Variants in C12orf42 observed in about 807,000 individuals in gnomAD.
C12orf42 encodes chromosome 12 open reading frame 42.
C12orf42 carries 25 observed loss-of-function variants against 21.6 expected under a neutral mutation model. The ratio of observed to expected loss-of-function variants is 1.16; its 90% CI spans 0.84 to 1.62. C12orf42 has a LOEUF of 1.62. Ranked by LOEUF, C12orf42 falls within the 40% of genes most tolerant of loss-of-function variation. The pLI is 0.00. For missense variants in C12orf42, 483 were observed against 459.3 expected (o/e 1.05, Z -0.47); for synonymous variants, 174 against 175.0 (o/e 0.99, Z 0.05).
chr12:103,301,238 CTG>C (rs2037627692), downstream of C12orf42, among the ~76,000 whole-genome samples: 1 of 152,120 alleles, frequency 6.6e-6, no homozygotes, highest in Non-Finnish European at 1.5e-5. Context: ...CTATCAAACT[CTG>C]TGAATCCAAG....
At chr12:103,385,152 C>A (rs985201643) in intron 3 of C12orf42, among the ~76,000 whole-genome samples, 1 of 152,178 alleles carries the variant, frequency 6.6e-6, no homozygotes, top group Non-Finnish European at 1.5e-5. Flanking sequence ...AATACATCCA[C>A]GTTTCATTTT....
At chr12:103,386,807 C>T (rs1020318900) in intron 3 of C12orf42, among the ~76,000 whole-genome samples, 1 of 152,188 alleles carries the variant, frequency 6.6e-6, no homozygotes, top group African/African-American at 2.4e-5. Context: ...AAGTGCTAGA[C>T]CTGGGAGGGC....
At chr12:103,558,398 C>T in the C12orf42 span, 4 of 152,336 alleles carry the variant, frequency 2.6e-5, no homozygotes, top group South Asian at 8.3e-4. Flanking sequence ...CTCCAGGAAC[C>T]TTAATGTCCT....
chr12:103,203,812 C>T, the C12orf42 span, among the ~76,000 whole-genome samples: 1 of 151,984 alleles, frequency 6.6e-6, no homozygotes, highest in Non-Finnish European at 1.5e-5. Context: ...ATATGTGTAA[C>T]CAAACGTCTA....
the C12orf42 span, among the ~76,000 whole-genome samples, chr12:103,157,218 A>G: frequency 2.0e-5 from 3 of 152,116 alleles, no homozygotes; most frequent in Non-Finnish European, 1.5e-5. Context: ...CATTTCTCTG[A>G]TGGTCAGTAA....
At chr12:103,134,026 T>A in the C12orf42 span, among the ~76,000 whole-genome samples, 1 of 152,232 alleles carries the variant, frequency 6.6e-6, no homozygotes, top group Non-Finnish European at 1.5e-5. Context: ...GTCTCAAGTA[T>A]GTCTTTATTA....
intron 4 of C12orf42, among the ~76,000 whole-genome samples, chr12:103,314,547 T>C (rs891023902): frequency 1.3e-5 from 2 of 152,192 alleles, no homozygotes; most frequent in African/African-American, 4.8e-5. Flanking sequence ...AGAGAGAACC[T>C]ATATTTTAGT....
intron 1 of C12orf42, among the ~76,000 whole-genome samples, chr12:103,482,685 A>G (rs1954553815): frequency 6.6e-6 from 1 of 152,104 alleles, no homozygotes; most frequent in Non-Finnish European, 1.5e-5. Context: ...TTATCTCCTT[A>G]AATATTACCT....
chr12:103,440,079 T>TA (rs1951079619), intron 2 of C12orf42, among the ~76,000 whole-genome samples: 2 of 143,170 alleles, frequency 1.4e-5, no homozygotes, highest in African/African-American at 5.2e-5. Flanking sequence ...TATGCAGCCA[T>TA]AAAAAATGAT....
At chr12:103,216,570 G>T in the C12orf42 span, among the ~76,000 whole-genome samples, 1 of 151,828 alleles carries the variant, frequency 6.6e-6, no homozygotes, top group South Asian at 2.1e-4. Flanking sequence ...AGTAGAGATG[G>T]GGTTTCACCG....
chr12:103,394,902 A>T (rs555476363), intron 3 of C12orf42, among the ~76,000 whole-genome samples: 1 of 152,234 alleles, frequency 6.6e-6, no homozygotes, highest in African/African-American at 2.4e-5. Context: ...TCCAGAGAAA[A>T]GCAAGGTCAT....
intron 2 of C12orf42, among the ~76,000 whole-genome samples, chr12:103,423,063 A>C (rs2139159138): frequency 6.6e-6 from 1 of 152,326 alleles, no homozygotes; most frequent in Non-Finnish European, 1.5e-5. Context: ...CAGAAATAAA[A>C]ATAAGGAATG....
chr12:103,451,229 ATTTG>A (rs1233913093), intron 2 of C12orf42, among the ~76,000 whole-genome samples: 4 of 151,352 alleles, frequency 2.6e-5, no homozygotes, highest in Admixed American at 6.6e-5. Flanking sequence ...TTATTTATTT[ATTTG>A]TTTATTTATT....
At position 103,364,957 on chromosome 12, in the gene C12orf42, G is replaced by A. The variant is rs559963875; in HGVS notation, c.259+3930C>T. On this transcript the variant is annotated intron_variant, in intron 4 of 5. Transcript: ENST00000548883. ...AGTATTCCACAAGATACAGAAAGAGGGAATCCTCCCTAAATCATTCTATGA... is the reference window on the plus strand; with the variant it reads ...AGTATTCCACAAGATACAGAAAGAGAGAATCCTCCCTAAATCATTCTATGA... Among the ~76,000 whole-genome samples the A allele has an allele frequency of 2.0e-5, 3 of 152,068 alleles. No individual in the cohort carries two copies. The East Asian group carries it at 5.8e-4, about 29-fold the overall frequency.
chr12:103,452,163 T>C (rs1214336527), intron 2 of C12orf42, among the ~76,000 whole-genome samples: 1 of 151,688 alleles, frequency 6.6e-6, no homozygotes, highest in African/African-American at 2.4e-5. Flanking sequence ...TGACCAGCAG[T>C]TGTTTGGCTA....
chr12:103,339,569 T>A (rs994131938), intron 4 of C12orf42, among the ~76,000 whole-genome samples: 2 of 152,200 alleles, frequency 1.3e-5, no homozygotes, highest in Non-Finnish European at 2.9e-5. Flanking sequence ...GATATACATA[T>A]GGCCAACAAT....
chr12:103,230,886 A>G, the C12orf42 span, among the ~76,000 whole-genome samples: 4 of 152,066 alleles, frequency 2.6e-5, no homozygotes, highest in African/African-American at 9.7e-5. Context: ...TTGGATTTTT[A>G]GTTCATAATT....
At chr12:103,191,392 C>T in the C12orf42 span, among the ~76,000 whole-genome samples, 1 of 151,408 alleles carries the variant, frequency 6.6e-6, no homozygotes, top group East Asian at 1.9e-4. Context: ...GGTGCATGAA[C>T]CACTTTTAAC....
intron 2 of C12orf42, among the ~76,000 whole-genome samples, chr12:103,463,857 G>A (rs539942344): frequency 6.6e-6 from 1 of 152,254 alleles, no homozygotes; most frequent in Non-Finnish European, 1.5e-5. Context: ...AGTTTGCTGA[G>A]GATAATGGCT....
Sources: allele counts gnomAD v4.1 joint callset (sites outside exome capture counted in the v4.1 genomes callset), GRCh38; gene constraint gnomAD v4.1.1; transcripts MANE v1.5; gene names NCBI Gene and HGNC (gene_info 2026-07-23, HGNC 2026-07-21).